The following RANBP17 variants were observed in gnomAD, a reference collection of about 807,000 sequenced individuals.
RANBP17 encodes ran-binding protein 17.
Under a neutral mutation model 141.2 loss-of-function variants are expected in RANBP17, and 158 were observed. The ratio of observed to expected loss-of-function variants is 1.12; its 90% confidence interval spans 0.98 to 1.28. The LOEUF is 1.28. Among genes scored for constraint, RANBP17 ranks in the 50% most tolerant of loss-of-function variants. The pLI is 0.00. For missense variants in RANBP17, 1,438 were observed against 1,290.7 expected, an observed-to-expected ratio of 1.11 and a Z score of -1.75; for synonymous variants, 430 against 450.0, an observed-to-expected ratio of 0.96 and a Z score of 0.56.
chr5:171,008,428 G>A (rs771537416), intron 14 of RANBP17, among the ~76,000 whole-genome samples: 11 of 152,164 alleles, frequency 7.2e-5, no homozygotes, highest in South Asian at 2.1e-4. Context: ...ACGGACGTCC[G>A]TGTGAAGAGA....
intron 16 of RANBP17, among the ~76,000 whole-genome samples, chr5:171,179,438 C>T (rs76465363): frequency 0.062 from 9,400 of 152,114 alleles, 382 homozygotes; most frequent in East Asian, 0.12. Context: ...ACTAAACTTA[C>T]ATTTCAGTTA....
chr5:171,143,258 T>C (rs1180472319), intron 14 of RANBP17: 1 of 152,228 alleles, frequency 6.6e-6, no homozygotes, highest in African/African-American at 2.4e-5. Flanking sequence ...TGTGTTGCTA[T>C]GAAACACTAT....
At chr5:171,185,364 C>A (rs760459566) in intron 18 of RANBP17, among the ~76,000 whole-genome samples, 1 of 152,172 alleles carries the variant, frequency 6.6e-6, no homozygotes, top group Non-Finnish European at 1.5e-5. Context: ...TTTGCTGCAT[C>A]AATTGACTTC....
intron 24 of RANBP17, among the ~76,000 whole-genome samples, chr5:171,246,973 G>A (rs1765249489): frequency 6.6e-6 from 1 of 152,198 alleles, no homozygotes; most frequent in Non-Finnish European, 1.5e-5. Flanking sequence ...GGCAGAAACA[G>A]TGTCTTACTC....
intron 14 of RANBP17, among the ~76,000 whole-genome samples, chr5:171,016,313 A>T (rs1220974190): frequency 6.6e-6 from 1 of 151,648 alleles, no homozygotes; most frequent in Non-Finnish European, 1.5e-5. Context: ...CAAGTTTTAA[A>T]TTTTTTTGGA....
intron 18 of RANBP17, among the ~76,000 whole-genome samples, chr5:171,188,819 T>C (rs1321470716): frequency 2.0e-5 from 3 of 152,212 alleles, no homozygotes; most frequent in African/African-American, 7.2e-5. Context: ...TTCTCAGTAC[T>C]ACTGTACTTA....
chr5:171,211,084 A>G (rs1288081686), intron 20 of RANBP17, among the ~76,000 whole-genome samples: 6 of 150,852 alleles, frequency 4.0e-5, no homozygotes, highest in Non-Finnish European at 1.5e-5. Flanking sequence ...TGGTATCTAC[A>G]TCTATCAAAA....
chr5:170,971,965 A>G (rs916970841), intron 14 of RANBP17, among the ~76,000 whole-genome samples: 7 of 151,964 alleles, frequency 4.6e-5, no homozygotes, highest in African/African-American at 1.2e-4. Flanking sequence ...GCTTTGCTAT[A>G]TTTGCTTCAG....
chr5:171,297,407 A>T (rs959406002), intron 27 of RANBP17, among the ~76,000 whole-genome samples: 6 of 152,210 alleles, frequency 3.9e-5, no homozygotes, highest in Admixed American at 3.3e-4. Flanking sequence ...AAAGGCCTGC[A>T]CCATCCTTTT....
chr5:170,880,290 A>G (rs895019122), intron 2 of RANBP17, among the ~76,000 whole-genome samples: 1 of 152,220 alleles, frequency 6.6e-6, no homozygotes, highest in African/African-American at 2.4e-5. Context: ...CCACTCATCA[A>G]GACTTAAGGA....
chr5:171,002,373 A>G (rs1315035676), intron 14 of RANBP17, among the ~76,000 whole-genome samples: 1 of 152,176 alleles, frequency 6.6e-6, no homozygotes, highest in Non-Finnish European at 1.5e-5. Flanking sequence ...CTACCTTATC[A>G]GCATAAGCGT....
intron 14 of RANBP17, among the ~76,000 whole-genome samples, chr5:170,995,609 G>A (rs1234910060): frequency 6.6e-6 from 1 of 152,058 alleles, no homozygotes; most frequent in African/African-American, 2.4e-5. Context: ...GATTAAATAG[G>A]TTGTACAGCC....
chr5:171,040,033 A>G (rs1782153985), intron 14 of RANBP17, among the ~76,000 whole-genome samples: 1 of 152,086 alleles, frequency 6.6e-6, no homozygotes, highest in Admixed American at 6.6e-5. Flanking sequence ...TGAAGCCAGC[A>G]TCAGCCTGGT....
chr5:171,043,751 C>T (rs1204874739), intron 14 of RANBP17, among the ~76,000 whole-genome samples: 1 of 151,980 alleles, frequency 6.6e-6, no homozygotes, highest in Non-Finnish European at 1.5e-5. Context: ...TGGCACCTGC[C>T]ATTCTATGGT....
At chr5:170,865,324 A>G (rs1480583660) in intron 1 of RANBP17, among the ~76,000 whole-genome samples, 1 of 152,074 alleles carries the variant, frequency 6.6e-6, no homozygotes, top group Non-Finnish European at 1.5e-5. Flanking sequence ...CGGCCTCCCA[A>G]AGTGCTAGGA....
intron 14 of RANBP17, chr5:171,158,429 G>A: frequency 5.2e-6 from 1 of 192,076 alleles, no homozygotes. Context: ...TATGTGAATT[G>A]CATTTTCTGG....
intron 13 of RANBP17, among the ~76,000 whole-genome samples, chr5:170,967,747 C>T (rs1776685739): frequency 6.6e-6 from 1 of 151,528 alleles, no homozygotes; most frequent in African/African-American, 2.4e-5. Flanking sequence ...TCATTAAGGG[C>T]AGGATATAAC....
At chr5:171,087,160 T>G (rs1263353619) in intron 14 of RANBP17, among the ~76,000 whole-genome samples, 1 of 149,252 alleles carries the variant, frequency 6.7e-6, no homozygotes, top group Non-Finnish European at 1.5e-5. Flanking sequence ...TCTGGTATGT[T>G]GTGTCTTTGT....
At chr5:171,174,408 T>C (rs548874941) in intron 16 of RANBP17, among the ~76,000 whole-genome samples, 71 of 152,242 alleles carry the variant, frequency 4.7e-4, no homozygotes, top group Admixed American at 1.4e-3. Flanking sequence ...GGAGAGATTG[T>C]TCAAATGATT....
Sources: allele counts gnomAD v4.1 joint callset (sites outside exome capture counted in the v4.1 genomes callset), GRCh38; gene constraint gnomAD v4.1.1; transcripts MANE v1.5; gene names NCBI Gene and HGNC (gene_info 2026-07-23, HGNC 2026-07-21).